Variants in PRR16 observed in about 807,000 individuals in gnomAD.
The protein encoded by PRR16 is proline rich 16.
Under a neutral mutation model 18.2 loss-of-function variants are expected in PRR16, and 6 were observed. The ratio of observed to expected loss-of-function variants is 0.33; its 90% CI spans 0.18 to 0.65. The LOEUF is 0.65. Among genes scored for constraint, PRR16 ranks in the 30% least tolerant of loss-of-function variants. PRR16 has a pLI of 0.74. For synonymous variants in PRR16, 151 were observed against 147.8 expected, an observed-to-expected ratio of 1.02 and a Z score of -0.16; for missense variants, 412 against 376.6, an observed-to-expected ratio of 1.09 and a Z score of -0.78.
the PRR16 span, among the ~76,000 whole-genome samples, chr5:120,756,138 A>T: frequency 1.2e-3 from 188 of 152,206 alleles, no homozygotes; most frequent in African/African-American, 4.4e-3. Context: ...GAATGAAGTG[A>T]AGTTACAAAG....
intron 1 of PRR16, among the ~76,000 whole-genome samples, chr5:120,607,973 A>C (rs1754209984): frequency 6.6e-6 from 1 of 152,082 alleles, no homozygotes; most frequent in African/African-American, 2.4e-5. Flanking sequence ...GACTTTCTCC[A>C]ATTTATCCAT....
the PRR16 span, among the ~76,000 whole-genome samples, chr5:120,713,063 C>T: frequency 6.6e-6 from 1 of 152,064 alleles, no homozygotes; most frequent in Non-Finnish European, 1.5e-5. Context: ...TGAAAACAAC[C>T]TGGGCTCATG....
At chr5:120,772,385 A>G in the PRR16 span, among the ~76,000 whole-genome samples, 1 of 152,104 alleles carries the variant, frequency 6.6e-6, no homozygotes, top group Non-Finnish European at 1.5e-5. Flanking sequence ...TTACTACTGT[A>G]TCTGGAGTAT....
chr5:120,719,939 G>C, the PRR16 span, among the ~76,000 whole-genome samples: 1 of 151,884 alleles, frequency 6.6e-6, no homozygotes, highest in Non-Finnish European at 1.5e-5. Flanking sequence ...TACCAAATTT[G>C]TTCTTAATTT....
the PRR16 span, among the ~76,000 whole-genome samples, chr5:120,765,653 A>C: frequency 6.6e-6 from 1 of 151,968 alleles, no homozygotes; most frequent in African/African-American, 2.4e-5. Context: ...ATTAATGTCC[A>C]CCTATCATCA....
the PRR16 span, among the ~76,000 whole-genome samples, chr5:120,697,169 A>C: frequency 1.4e-3 from 213 of 152,318 alleles, 1 homozygote; most frequent in African/African-American, 4.8e-3. Flanking sequence ...TATAGCTGAT[A>C]AGAGGGATTT....
At chr5:120,540,566 C>G (rs941463097) in intron 1 of PRR16, among the ~76,000 whole-genome samples, 1 of 152,110 alleles carries the variant, frequency 6.6e-6, no homozygotes, top group Admixed American at 6.6e-5. Context: ...CTGTCCTGGA[C>G]TTTAGATATG....
the PRR16 span, among the ~76,000 whole-genome samples, chr5:120,776,482 G>A: frequency 3.3e-5 from 5 of 152,076 alleles, no homozygotes; most frequent in African/African-American, 1.2e-4. Context: ...TGGAAGGAGT[G>A]AAATGAAAAG....
chr5:120,514,976 G>C (rs1198721789), intron 1 of PRR16, among the ~76,000 whole-genome samples: 1 of 152,070 alleles, frequency 6.6e-6, no homozygotes, highest in East Asian at 1.9e-4. Context: ...GTCCCACTTA[G>C]CTTCTTAGTA....
At chr5:120,677,314 C>A (rs1297402610) in intron 1 of PRR16, among the ~76,000 whole-genome samples, 1 of 152,100 alleles carries the variant, frequency 6.6e-6, no homozygotes, top group East Asian at 1.9e-4. Flanking sequence ...TCCTGCCTCG[C>A]CTCTGTTAGG....
chr5:120,474,476 C>T (rs1749372387), intron 1 of PRR16, among the ~76,000 whole-genome samples: 1 of 152,136 alleles, frequency 6.6e-6, no homozygotes. Context: ...TCTTGCTCTT[C>T]CATCTTATTC....
intron 1 of PRR16, among the ~76,000 whole-genome samples, chr5:120,672,634 G>T: frequency 6.6e-6 from 1 of 152,006 alleles, no homozygotes; most frequent in East Asian, 1.9e-4. Context: ...ATGGAAGAAA[G>T]AGTGGATTGG....
chr5:120,675,460 A>G (rs1756764537), intron 1 of PRR16, among the ~76,000 whole-genome samples: 1 of 152,116 alleles, frequency 6.6e-6, no homozygotes, highest in Non-Finnish European at 1.5e-5. Flanking sequence ...TAACTTTTGT[A>G]TTACTTCTCA....
chr5:120,680,216 C>T (rs1179852769), intron 1 of PRR16, among the ~76,000 whole-genome samples: 1 of 152,118 alleles, frequency 6.6e-6, no homozygotes, highest in South Asian at 2.1e-4. Flanking sequence ...TGCCTTCCCT[C>T]ATTCGTTCCT....
At chr5:120,511,453 A>C (rs1750822366) in intron 1 of PRR16, among the ~76,000 whole-genome samples, 1 of 152,154 alleles carries the variant, frequency 6.6e-6, no homozygotes, top group African/African-American at 2.4e-5. Context: ...TCTGGGAGCC[A>C]CTTTGGGCTT....
At chr5:120,754,510 A>ATATT in the PRR16 span, among the ~76,000 whole-genome samples, 26 of 71,676 alleles carry the variant, frequency 3.6e-4, no homozygotes, top group African/African-American at 1.4e-3. Flanking sequence ...TATTATGTAT[A>ATATT]TTATATATTA....
chr5:120,477,463 G>T (rs988575512), intron 1 of PRR16, among the ~76,000 whole-genome samples: 4 of 151,972 alleles, frequency 2.6e-5, no homozygotes, highest in African/African-American at 9.7e-5. Flanking sequence ...AGCCTAGTTA[G>T]CCCCATCTTC....
intron 1 of PRR16, among the ~76,000 whole-genome samples, chr5:120,661,339 T>C (rs1489194029): frequency 6.6e-6 from 1 of 152,082 alleles, no homozygotes; most frequent in Non-Finnish European, 1.5e-5. Context: ...CAACCTGACT[T>C]TTCTCCCTTG....
At chr5:120,537,546 T>C (rs1187663366) in intron 1 of PRR16, among the ~76,000 whole-genome samples, 1 of 151,868 alleles carries the variant, frequency 6.6e-6, no homozygotes, top group Non-Finnish European at 1.5e-5. Flanking sequence ...TATTATTATA[T>C]TGGAAGCTTC....
Sources: gnomAD v4.1 joint callset for allele counts (sites outside exome capture counted in the v4.1 genomes callset) on GRCh38, gnomAD v4.1.1 for gene constraint, MANE v1.5 for transcripts, NCBI Gene and HGNC (gene_info 2026-07-23, HGNC 2026-07-21) for gene names.